PDZRN3: variants seen among roughly 807,000 people sequenced by gnomAD.
The protein encoded by PDZRN3 is E3 ubiquitin-protein ligase PDZRN3.
A neutral mutation model predicts 85.7 loss-of-function variants in PDZRN3; 38 were observed. The ratio of observed to expected loss-of-function variants is 0.44; its 90% confidence interval spans 0.34 to 0.58. The LOEUF is 0.58. PDZRN3 is among the 20% of genes least tolerant of loss of function. PDZRN3 has a pLI of 0.01. For synonymous variants in PDZRN3, 759 were observed against 638.0 expected, an observed-to-expected ratio of 1.19 and a Z score of -2.86; for missense variants, 1,629 against 1,506.4, an observed-to-expected ratio of 1.08 and a Z score of -1.35.
At chr3:73,515,684 T>C (rs1188001941) in intron 3 of PDZRN3, among the ~76,000 whole-genome samples, 1 of 152,212 alleles carries the variant, frequency 6.6e-6, no homozygotes, top group African/African-American at 2.4e-5. Flanking sequence ...TCAGCTCCAT[T>C]TTTTCCTTTC....
intron 3 of PDZRN3, among the ~76,000 whole-genome samples, chr3:73,525,013 A>G (rs990491622): frequency 3.4e-5 from 5 of 148,218 alleles, no homozygotes; most frequent in Non-Finnish European, 7.4e-5. Context: ...AATAAAATAT[A>G]TATGTATTTA....
intron 3 of PDZRN3, among the ~76,000 whole-genome samples, chr3:73,536,732 C>T (rs536937185): frequency 6.6e-6 from 1 of 152,244 alleles, no homozygotes; most frequent in East Asian, 1.9e-4. Context: ...TGGTAGGTCT[C>T]TACCCAAGGG....
chr3:73,473,087 C>T (rs75837311), intron 3 of PDZRN3, among the ~76,000 whole-genome samples: 3,135 of 152,184 alleles, frequency 0.021, 99 homozygotes, highest in African/African-American at 0.07. Flanking sequence ...CCTAAGAGCC[C>T]CTAAAAGGAG....
intron 3 of PDZRN3, among the ~76,000 whole-genome samples, chr3:73,532,207 G>A (rs758069970): frequency 5.3e-4 from 81 of 151,892 alleles, no homozygotes; most frequent in Non-Finnish European, 1.0e-3. Context: ...GGGTTTCACC[G>A]TGTTAGGATG....
intron 3 of PDZRN3, among the ~76,000 whole-genome samples, chr3:73,552,436 C>G (rs1267978520): frequency 1.3e-5 from 2 of 151,666 alleles, no homozygotes; most frequent in Admixed American, 6.6e-5. Context: ...GGAGTTTACA[C>G]AATTATCTCA....
intron 3 of PDZRN3, among the ~76,000 whole-genome samples, chr3:73,554,398 A>G (rs1428815225): frequency 1.3e-5 from 2 of 151,950 alleles, no homozygotes; most frequent in Admixed American, 6.6e-5. Context: ...CCAAGATGAG[A>G]ACAAGGCCAG....
At chr3:73,593,573 G>A (rs977103379) in intron 3 of PDZRN3, among the ~76,000 whole-genome samples, 2 of 152,132 alleles carry the variant, frequency 1.3e-5, no homozygotes, top group African/African-American at 2.4e-5. Context: ...CATATGCTAT[G>A]AGCTTGTAGA....
In PDZRN3 at chr3:73,383,879, G is replaced by A. The variant is rs560009760; in HGVS notation, c.2687C>T (p.Ala896Val). The change falls in exon 10 of 10, where the codon GCG (alanine) becomes GTG (valine). Residue 896 changes from alanine (A) to valine (V), a missense_variant. Ala to Val is a moderately conservative substitution (Grantham distance 64). Transcript: ENST00000263666. The stretch of plus-strand genomic sequence containing the variant: ...GCTCACCAGGCTCATCTGGCTTTGC[G>A]CGTACTCCACGGCCGACTTCTGCTG... ...LIQQKSAVEY[A>V]QSQMSLVSMC... 5 of 1,613,298 alleles carry A rather than the reference G, an allele frequency of 3.1e-6. No homozygotes were observed. The highest frequency in any genetic ancestry group is 4.2e-6 in the Non-Finnish European group (5 of 1,179,756).
intron 3 of PDZRN3, among the ~76,000 whole-genome samples, chr3:73,589,377 A>T (rs1702322484): frequency 6.6e-6 from 1 of 152,244 alleles, no homozygotes; most frequent in African/African-American, 2.4e-5. Flanking sequence ...TAATATTCTG[A>T]TCATGACAAA....
intron 3 of PDZRN3, among the ~76,000 whole-genome samples, chr3:73,422,918 G>A (rs1702232915): frequency 6.6e-6 from 1 of 152,140 alleles, no homozygotes; most frequent in Non-Finnish European, 1.5e-5. Flanking sequence ...ATAAAAAGGA[G>A]AAAATACCAA....
intron 3 of PDZRN3, among the ~76,000 whole-genome samples, chr3:73,466,494 C>T (rs768521764): frequency 2.6e-5 from 4 of 152,096 alleles, no homozygotes; most frequent in Non-Finnish European, 5.9e-5. Context: ...GCTTCAATAA[C>T]GACAGGTGAT....
chr3:73,539,022 C>T (rs2106775009), intron 3 of PDZRN3, among the ~76,000 whole-genome samples: 1 of 152,282 alleles, frequency 6.6e-6, no homozygotes, highest in South Asian at 2.1e-4. Context: ...CTAGGCTTTG[C>T]CAGCAAGACA....
chr3:73,545,881 G>C (rs943518505), intron 3 of PDZRN3, among the ~76,000 whole-genome samples: 3 of 152,120 alleles, frequency 2.0e-5, no homozygotes, highest in Non-Finnish European at 4.4e-5. Flanking sequence ...GGGGAGGAGG[G>C]GTTGGTGGGA....
At chr3:73,419,277 GA>G (rs1262589890) in intron 3 of PDZRN3, among the ~76,000 whole-genome samples, 1 of 152,108 alleles carries the variant, frequency 6.6e-6, no homozygotes, top group African/African-American at 2.4e-5. Flanking sequence ...TGTAAGGCTG[GA>G]AAAAGGATGT....
intron 3 of PDZRN3, among the ~76,000 whole-genome samples, chr3:73,596,179 G>A (rs569703229): frequency 6.6e-6 from 1 of 152,256 alleles, no homozygotes; most frequent in East Asian, 1.9e-4. Flanking sequence ...TTGGGACAAT[G>A]TGACCACCAA....
chr3:73,569,639 G>A, intron 3 of PDZRN3: 2 of 910,790 alleles, frequency 2.2e-6, no homozygotes, highest in Non-Finnish European at 2.6e-6. Flanking sequence ...TCTTCTCCAG[G>A]CAGGACCTGA....
intron 3 of PDZRN3, among the ~76,000 whole-genome samples, chr3:73,548,895 C>A (rs966900372): frequency 3.4e-4 from 51 of 152,228 alleles, no homozygotes; most frequent in Admixed American, 5.9e-4. Context: ...CAAAGGCAGT[C>A]ATGAGAACTG....
chr3:73,470,035 C>T (rs1294522148), intron 3 of PDZRN3, among the ~76,000 whole-genome samples: 3 of 152,168 alleles, frequency 2.0e-5, no homozygotes, highest in East Asian at 1.9e-4. Flanking sequence ...CAACCAAAAA[C>T]GTCTCCAGAC....
chr3:73,529,633 A>G (rs1704607596), intron 3 of PDZRN3, among the ~76,000 whole-genome samples: 1 of 152,260 alleles, frequency 6.6e-6, no homozygotes, highest in African/African-American at 2.4e-5. Context: ...TGGGACAAAG[A>G]AATCACAGAA....
Sources: gnomAD v4.1 joint callset for allele counts (sites outside exome capture counted in the v4.1 genomes callset) on GRCh38, gnomAD v4.1.1 for gene constraint, MANE v1.5 for transcripts, NCBI Gene and HGNC (gene_info 2026-07-23, HGNC 2026-07-21) for gene names.